The following PRKG1 variants were observed in gnomAD, a reference collection of about 807,000 sequenced individuals.
PRKG1 encodes cGMP-dependent protein kinase 1.
Under a neutral mutation model 88.1 loss-of-function variants are expected in PRKG1, and 35 were observed. That is an observed-to-expected ratio of 0.40 (90% confidence interval 0.30 to 0.53). PRKG1 has a LOEUF of 0.53. Ranked by LOEUF, PRKG1 falls within the 20% of genes least tolerant of loss-of-function variation. PRKG1 has a pLI of 0.59. For synonymous variants in PRKG1, 303 were observed against 292.5 expected, an observed-to-expected ratio of 1.04 and a Z score of -0.37; for missense variants, 540 against 839.8, an observed-to-expected ratio of 0.64 and a Z score of 4.41.
At chr10:51,797,567 AT>A (rs1839048960) in intron 3 of PRKG1, among the ~76,000 whole-genome samples, 1 of 147,068 alleles carries the variant, frequency 6.8e-6, no homozygotes, top group South Asian at 2.1e-4. Context: ...ATTTTATTAT[AT>A]TATTTTATGT....
intron 4 of PRKG1, among the ~76,000 whole-genome samples, chr10:51,843,842 C>T (rs1343519655): frequency 1.3e-5 from 2 of 152,160 alleles, no homozygotes; most frequent in Non-Finnish European, 2.9e-5. Context: ...CCCACACACA[C>T]ATTTTAGTTT....
At chr10:51,921,348 A>T (rs2132980591) in intron 5 of PRKG1, among the ~76,000 whole-genome samples, 1 of 152,206 alleles carries the variant, frequency 6.6e-6, no homozygotes, top group Admixed American at 6.5e-5. Context: ...ACAAGCATGT[A>T]ATTTATGATT....
intron 8 of PRKG1, among the ~76,000 whole-genome samples, chr10:52,145,632 A>G (rs986580065): frequency 2.0e-5 from 3 of 152,196 alleles, no homozygotes; most frequent in Non-Finnish European, 4.4e-5. Flanking sequence ...CTGTATAGTC[A>G]TGAAGTTTGA....
intron 1 of PRKG1, among the ~76,000 whole-genome samples, chr10:51,150,227 C>G (rs1846037360): frequency 6.6e-6 from 1 of 152,062 alleles, no homozygotes; most frequent in Admixed American, 6.6e-5. Context: ...ATCGGCTTTC[C>G]CCAACTCCCA....
chr10:51,417,663 A>T (rs955890982), intron 2 of PRKG1, among the ~76,000 whole-genome samples: 2 of 152,132 alleles, frequency 1.3e-5, no homozygotes, highest in Non-Finnish European at 2.9e-5. Context: ...AATGGGATGG[A>T]TATACTTCTT....
rs979350266 is a variant in PRKG1 at position 51,397,059 on chromosome 10, A to G, written c.479-70664A>G. 3.9e-5 allele frequency among the ~76,000 whole-genome samples: 6 copies of G among 152,078 alleles called. No homozygotes were observed. The South Asian group carries it at 6.2e-4, about 16-fold the overall frequency. ...TTTTACGAAAGCAGGCAGCCAGCCC[A>G]TGAATCGGAGTTGCTGTTTTGATTT... On this transcript the variant is annotated intron_variant, in intron 2 of 17. Transcript: ENST00000373980.
chr10:51,205,127 C>CTTTCTTTCTTTTTTTTTTTTTTT (rs1433048297), intron 2 of PRKG1, among the ~76,000 whole-genome samples: 1 of 64,030 alleles, frequency 1.6e-5, no homozygotes, highest in African/African-American at 5.8e-5. Flanking sequence ...ATTTTCTTTT[C>CTTTCTTTCTTTTTTTTTTTTTTT]TTTTTTTTTT....
intron 3 of PRKG1, among the ~76,000 whole-genome samples, chr10:51,506,826 A>C (rs1841222598): frequency 6.6e-6 from 1 of 152,198 alleles, no homozygotes; most frequent in African/African-American, 2.4e-5. Context: ...ATTATAAATC[A>C]TGCTGCTATA....
At chr10:51,847,108 C>T (rs1316941161) in intron 4 of PRKG1, among the ~76,000 whole-genome samples, 1 of 152,188 alleles carries the variant, frequency 6.6e-6, no homozygotes, top group Non-Finnish European at 1.5e-5. Flanking sequence ...TCCTTGGCCT[C>T]CCTGAATCTC....
intron 5 of PRKG1, among the ~76,000 whole-genome samples, chr10:51,944,240 A>G (rs369838062): frequency 6.6e-6 from 1 of 151,960 alleles, no homozygotes; most frequent in Non-Finnish European, 1.5e-5. Flanking sequence ...GTTTATTTGC[A>G]TAGAGGTGTT....
intron 5 of PRKG1, among the ~76,000 whole-genome samples, chr10:51,970,041 CACACACA>C (rs1843669693): frequency 1.4e-5 from 1 of 73,846 alleles, no homozygotes; most frequent in African/African-American, 3.7e-5. Context: ...CACACACACA[CACACACA>C]CACCCATATT....
In PRKG1 at chr10:51,265,025, AAC is replaced by A. The variant is rs1839803979; in HGVS notation, c.478+111701_478+111702del. On this transcript the variant is annotated intron_variant, in intron 2 of 17. Transcript: ENST00000373980. ...ATAATATGGCTTGTGAATTTTTTTA[AAC>A]ACACAGGTTTCAGATAATGAGGCTA... Among the ~76,000 whole-genome samples the A allele has an allele frequency of 6.6e-5, 10 of 152,234 alleles. No individual in the cohort carries two copies. In the South Asian group the frequency reaches 2.1e-3, roughly 32 times the overall value.
chr10:51,205,342 G>A (rs546283651), intron 2 of PRKG1, among the ~76,000 whole-genome samples: 112 of 150,292 alleles, frequency 7.5e-4, no homozygotes, highest in African/African-American at 2.4e-3. Context: ...TCACCATCTC[G>A]GCCAGGCTGG....
At chr10:51,817,364 A>G (rs1839619892) in intron 4 of PRKG1, among the ~76,000 whole-genome samples, 1 of 74,936 alleles carries the variant, frequency 1.3e-5, no homozygotes, top group African/African-American at 3.4e-5. Flanking sequence ...CCCTCCCCTG[A>G]CAGGCCCTGG....
At chr10:51,858,938 G>T (rs1246980466) in intron 4 of PRKG1, among the ~76,000 whole-genome samples, 2 of 151,956 alleles carry the variant, frequency 1.3e-5, no homozygotes, top group African/African-American at 2.4e-5. Context: ...ATATTCCTTT[G>T]ATTTTTCTCC....
At chr10:51,492,804 G>T (rs866265881) in intron 3 of PRKG1, among the ~76,000 whole-genome samples, 97 of 152,110 alleles carry the variant, frequency 6.4e-4, no homozygotes, top group African/African-American at 2.3e-3. Flanking sequence ...ATTTTAGGAT[G>T]GCATGAAACT....
At chr10:52,084,598 C>CT (rs1011803965) in intron 7 of PRKG1, among the ~76,000 whole-genome samples, 1 of 151,910 alleles carries the variant, frequency 6.6e-6, no homozygotes. Flanking sequence ...CAGATATATA[C>CT]TTTTTTCCTG....
chr10:51,234,093 C>A (rs1407925205), intron 2 of PRKG1, among the ~76,000 whole-genome samples: 1 of 152,136 alleles, frequency 6.6e-6, no homozygotes, highest in Non-Finnish European at 1.5e-5. Flanking sequence ...CTTTGCCCCA[C>A]TATGTGACTT....
intron 4 of PRKG1, among the ~76,000 whole-genome samples, chr10:51,881,449 G>C (rs1301646225): frequency 6.6e-6 from 1 of 152,102 alleles, no homozygotes. Context: ...GTTTCATCTG[G>C]GTGGCTGAAA....
Sources: allele counts gnomAD v4.1 joint callset (sites outside exome capture counted in the v4.1 genomes callset), GRCh38; gene constraint gnomAD v4.1.1; transcripts MANE v1.5; gene names NCBI Gene and HGNC (gene_info 2026-07-23, HGNC 2026-07-21).